The following KCNG4 variants were observed in gnomAD, a reference collection of about 807,000 sequenced individuals.
KCNG4 encodes the protein voltage-gated potassium channel regulatory subunit KCNG4.
KCNG4 carries 30 observed loss-of-function variants against 28.2 expected under a neutral mutation model. The observed-to-expected ratio is 1.06, with a 90% CI of 0.80 to 1.44. The LOEUF (loss-of-function observed/expected upper bound fraction) is 1.44, where lower values mean the gene tolerates loss of function less well. Among genes scored for constraint, KCNG4 ranks in the 40% most tolerant of loss-of-function variants. The probability of loss-of-function intolerance (pLI) is 0.00; values close to 1 mark genes in which losing one functional copy is unlikely to be tolerated. For missense variants in KCNG4, 879 were observed against 712.3 expected (o/e 1.23, Z -2.66); for synonymous variants, 375 against 315.5 (o/e 1.19, Z -2.00).
chr16:84,221,638 A>T lies in KCNG4; in HGVS notation c.*579T>A, dbSNP rs921830587. 3.3e-5 allele frequency: 5 copies of T among 152,862 alleles called. No homozygotes were observed. The highest frequency in any genetic ancestry group is 1.2e-4 in the African/African-American group (5 of 41,586). 9.5% of individuals were successfully genotyped at this position (152,862 alleles called of 1,614,324 possible). A position where few individuals can be genotyped will look rare whatever the true frequency, so the allele number is the denominator to read the frequency against. On this transcript the variant is annotated 3_prime_UTR_variant, in exon 3 of 3. Transcript: ENST00000308251. ...GGCTGATTCTGCCTTCTTAGCTACA[A>T]GTGTTCAGAGCTGGCGGGAGGTAGC...
At chr16:84,233,655 C>T (rs1207328074) in intron 2 of KCNG4, among the ~76,000 whole-genome samples, 1 of 151,448 alleles carries the variant, frequency 6.6e-6, no homozygotes, top group African/African-American at 2.4e-5. Context: ...AGTGAGCTGC[C>T]AAGATCATGC....
chr16:84,222,629 G>A lies in KCNG4; in HGVS notation c.1148C>T (p.Thr383Ile), dbSNP rs903154782. Residue 383 changes from threonine (T) to isoleucine (I), a missense_variant, in exon 3 of 3, where the codon ACC (threonine) becomes ATC (isoleucine). Thr to Ile is a moderately conservative substitution (Grantham distance 89). Coordinates refer to ENST00000308251, the MANE Select transcript of KCNG4 (RefSeq NM_172347.3). Reference sequence around the variant, plus strand: ...CACGTAGACCAAAGGGGAGAAGAGGGTGATGGCCACGGCCAGGAAGAGAAG... The same window carrying A: ...CACGTAGACCAAAGGGGAGAAGAGGATGATGGCCACGGCCAGGAAGAGAAG... Reference protein sequence around the residue: ...LLLLFLAVAITLFSPLVYVAE... With the variant: ...LLLLFLAVAIILFSPLVYVAE... The A allele has an allele frequency of 1.9e-6, 3 of 1,613,236 alleles. No individual in the cohort carries two copies. In the African/African-American group the frequency reaches 4.0e-5, roughly 22 times the overall value.
intron 2 of KCNG4, among the ~76,000 whole-genome samples, chr16:84,232,926 G>A (rs935693123): frequency 8.0e-5 from 12 of 150,678 alleles, no homozygotes; most frequent in African/African-American, 2.7e-4. Flanking sequence ...ATAGAGCAGG[G>A]CTGCTCAGAA....
chr16:84,223,164 TGGCTGGGTACACAGCAGATC>T, intron 2 of KCNG4, 144 bp from the exon 3 acceptor site: 2 of 690,088 alleles, frequency 2.9e-6, no homozygotes, highest in Non-Finnish European at 4.7e-6. Context: ...TTTCCAGTTG[TGGCTGGGTACACAGCAGATC>T]GGCTAGGTCA....
rs573566420 is a variant in KCNG4 at position 84,237,204 on chromosome 16, G to C, written c.282C>G (p.Tyr94Ter). Residue 94 changes from tyrosine (Y) to a stop codon, truncating the protein, a stop_gained, in exon 2 of 3, where the codon TAC becomes TAG. Transcript: ENST00000308251. LOFTEE classifies it high-confidence loss of function. Reference sequence around the variant, plus strand: ...CATCGCAGAGCTGCACGATCTCCTCGTAGCTCCGACAGAGCCTGAGTTTGC... The same window carrying C: ...CATCGCAGAGCTGCACGATCTCCTCCTAGCTCCGACAGAGCCTGAGTTTGC... ...RLSKLRLCRS[Y>*]EEIVQLCDDY... 6.8e-6 allele frequency: 11 copies of C among 1,614,144 alleles called. No individual in the cohort carries two copies. The East Asian group carries it at 1.8e-4, about 26-fold the overall frequency.
At chr16:84,233,114 G>A (rs1222421537) in intron 2 of KCNG4, among the ~76,000 whole-genome samples, 1 of 152,104 alleles carries the variant, frequency 6.6e-6, no homozygotes, top group Non-Finnish European at 1.5e-5. Context: ...ACGGACTTTC[G>A]CTGAGCACCT....
chr16:84,233,375 C>T (rs1247969369), intron 2 of KCNG4, among the ~76,000 whole-genome samples: 1 of 152,266 alleles, frequency 6.6e-6, no homozygotes, highest in East Asian at 1.9e-4. Context: ...GGCCCTGAGG[C>T]TGAGGTTCTA....
chr16:84,223,295 A>T (rs1197129393), intron 2 of KCNG4, among the ~76,000 whole-genome samples: 1 of 151,554 alleles, frequency 6.6e-6, no homozygotes, highest in Non-Finnish European at 1.5e-5. Context: ...CCACCTCTGG[A>T]TCTAACTCTT....
Position 84,222,949 on chromosome 16 carries a change from C to T in KCNG4, c.828G>A (p.Glu276=), listed in dbSNP as rs1409605302. ...ETICVAWFSL[E]FCLRFVQAQD... is the part of the protein sequence containing the mutation. ...GGGCCTGGACAAACCGCAGGCAGAACTCCAGGGAGAACCAGGCCACGCAGA... is the reference window on the plus strand; with the variant it reads ...GGGCCTGGACAAACCGCAGGCAGAATTCCAGGGAGAACCAGGCCACGCAGA... The change falls in exon 3 of 3, where the codon GAG becomes GAA. Residue 276 remains glutamate, a synonymous_variant. Coordinates refer to ENST00000308251, the MANE Select transcript of KCNG4 (RefSeq NM_172347.3). 1 of 1,581,670 alleles carries T rather than the reference C, an allele frequency of 6.3e-7. No individual in the cohort carries two copies. The highest frequency in any genetic ancestry group is 1.4e-5 in the African/African-American group (1 of 73,716).
chr16:84,229,382 C>A (rs1904772840), intron 2 of KCNG4, among the ~76,000 whole-genome samples: 1 of 152,064 alleles, frequency 6.6e-6, no homozygotes, highest in South Asian at 2.1e-4. Flanking sequence ...TTCTTGAGAC[C>A]CAGTTTTCTG....
intron 1 of KCNG4, among the ~76,000 whole-genome samples, chr16:84,238,280 C>T (rs1905025302): frequency 1.3e-5 from 2 of 152,164 alleles, no homozygotes; most frequent in African/African-American, 4.8e-5. Context: ...TTAGCAAGCA[C>T]CTGACATCAG....
Position 84,223,000 on chromosome 16 carries a change from G to C in KCNG4, c.777C>G (p.Cys259Trp), listed in dbSNP as rs778467524. 3 of 1,532,208 alleles carry C rather than the reference G, an allele frequency of 2.0e-6. No individual in the cohort carries two copies. The South Asian group carries it at 3.9e-5, about 20-fold the overall frequency. The allele number at this position is 1,532,208 out of a possible 1,614,324, so 94.9% of individuals were successfully genotyped here. A position where few individuals can be genotyped will look rare whatever the true frequency, so the allele number is the denominator to read the frequency against. The change falls in exon 3 of 3, where the codon TGC becomes TGG. Residue 259 changes from cysteine (C) to tryptophan (W), a missense_variant. Cys to Trp is a radical substitution (Grantham distance 215). Coordinates refer to ENST00000308251, the MANE Select transcript of KCNG4 (RefSeq NM_172347.3). ...TGGTCTCCACGATGAAAATATAGTAGCACTTCCGAGAGCATTCGCCCTGCG... is the reference window on the plus strand; with the variant it reads ...TGGTCTCCACGATGAAAATATAGTACCACTTCCGAGAGCATTCGCCCTGCG... ...EEDQGECSRK[C>W]YYIFIVETIC...
rs1398204690 is a variant in KCNG4, at chr16:84,221,713, G to C, written c.*504C>G. 4 of 157,074 alleles carry C rather than the reference G, an allele frequency of 2.5e-5. No individual in the cohort carries two copies. Among genetic ancestry groups the C allele is most frequent in the Non-Finnish European group, 5.6e-5 (4 of 70,848 alleles). The allele number at this position is 157,074 out of a possible 1,614,324, so 9.7% of individuals were successfully genotyped here. On this transcript the variant is annotated 3_prime_UTR_variant, in exon 3 of 3. Transcript: ENST00000308251. Reference sequence around the variant, plus strand: ...GTGGTGAGCAGAAGGAGAACATATTGATCCCTCTGGAACCCGTGGAAAGGT... The same window carrying C: ...GTGGTGAGCAGAAGGAGAACATATTCATCCCTCTGGAACCCGTGGAAAGGT...
In KCNG4 at chr16:84,237,341, C is replaced by A; in HGVS notation, c.145G>T (p.Ala49Ser). Residue 49 changes from alanine to serine, a missense_variant, in exon 2 of 3, where the codon GCC becomes TCC. Transcript: ENST00000308251. ...LYYRRVRKVG[A>S]LDASPVDLKK... ...AGGTCCACTGGGGAGGCGTCCAGGG[C>A]ACCCACCTTCCGCACCCTCCGGTAG... 6.3e-7 allele frequency: 1 copy of A among 1,574,948 alleles called. No individual in the cohort carries two copies. The highest frequency in any genetic ancestry group is 1.4e-5 in the African/African-American group (1 of 73,954).
rs1316095495 is a variant in KCNG4 at position 84,221,263 on chromosome 16, A to C, written c.*954T>G. Reference sequence around the variant, plus strand: ...TACAATTCCCCTTGTTTCTGTGCCAAAGCTACATTGAGTCCATGGGGGCTC... The same window carrying C: ...TACAATTCCCCTTGTTTCTGTGCCACAGCTACATTGAGTCCATGGGGGCTC... On this transcript the variant is annotated 3_prime_UTR_variant, in exon 3 of 3. Coordinates refer to ENST00000308251, the MANE Select transcript of KCNG4 (RefSeq NM_172347.3). The C allele has an allele frequency of 6.6e-6, 1 of 152,228 alleles. No individual in the cohort carries two copies. The highest frequency in any genetic ancestry group is 1.5e-5 in the Non-Finnish European group (1 of 68,068). The allele number at this position is 152,228 out of a possible 1,614,324, so 9.4% of individuals were successfully genotyped here.
chr16:84,228,643 C>A (rs1597617987), intron 2 of KCNG4, among the ~76,000 whole-genome samples: 1 of 152,198 alleles, frequency 6.6e-6, no homozygotes, highest in Non-Finnish European at 1.5e-5. Flanking sequence ...GCTGTCCCCA[C>A]TTCCCAACCC....
intron 2 of KCNG4, 185 bp downstream of exon 2, chr16:84,236,545 A>T: frequency 1.2e-6 from 1 of 861,600 alleles, no homozygotes. Flanking sequence ...TCCAATAAAA[A>T]AAAAAAAGAT....
chr16:84,229,673 G>A (rs1312959972), intron 2 of KCNG4, among the ~76,000 whole-genome samples: 2 of 152,186 alleles, frequency 1.3e-5, no homozygotes, highest in Non-Finnish European at 2.9e-5. Flanking sequence ...GGGTGGTGGC[G>A]TCTGCATGGG....
In KCNG4 at chr16:84,231,184, C is replaced by T. The variant is rs546756096; in HGVS notation, c.756+5546G>A. On this transcript the variant is annotated intron_variant, in intron 2 of 2. Transcript: ENST00000308251. ...CAGGTTCTCGTTCAGTCCTCAGCAC[C>T]GCCCTCTGAATAGTGTTATGATTGT... 7.2e-5 allele frequency among the ~76,000 whole-genome samples: 11 copies of T among 152,212 alleles called. No homozygotes were observed. In the South Asian group the frequency reaches 8.3e-4, roughly 11 times the overall value.
Sources: gnomAD v4.1 joint callset for allele counts (sites outside exome capture counted in the v4.1 genomes callset) on GRCh38, gnomAD v4.1.1 for gene constraint, MANE v1.5 for transcripts, NCBI Gene and HGNC (gene_info 2026-07-23, HGNC 2026-07-21) for gene names.